BMP7: variants seen among roughly 807,000 people sequenced by gnomAD.
The protein encoded by BMP7 is osteogenic protein 1.
In BMP7, 12 loss-of-function variants were observed where a neutral mutation model predicts 41.2. The ratio of observed to expected loss-of-function variants is 0.29; its 90% CI spans 0.19 to 0.47. The LOEUF is 0.47. BMP7 is among the 20% of genes least tolerant of loss of function. BMP7 has a pLI of 0.99. For synonymous variants in BMP7, 248 were observed against 250.0 expected (o/e 0.99, Z 0.07); for missense variants, 467 against 606.0 (o/e 0.77, Z 2.41).
intron 1 of BMP7, among the ~76,000 whole-genome samples, chr20:57,229,799 G>A (rs1172138378): frequency 6.6e-6 from 1 of 152,228 alleles, no homozygotes; most frequent in Admixed American, 6.5e-5. Context: ...CCGGTTCCAA[G>A]TGGGACAGCA....
intron 1 of BMP7, among the ~76,000 whole-genome samples, chr20:57,254,759 C>A (rs1457384672): frequency 2.0e-5 from 3 of 152,108 alleles, no homozygotes; most frequent in Admixed American, 6.6e-5. Context: ...CCTGTTCATG[C>A]ACATTTTGAT....
In BMP7 at chr20:57,183,917, G is replaced by T. The variant is rs1984149573; in HGVS notation, c.763C>A (p.Gln255Lys). Residue 255 changes from glutamine (Q) to lysine (K), a missense_variant and splice_region_variant, in exon 4 of 7, where the codon CAG (glutamine) becomes AAG (lysine). By Grantham distance (53) the Gln-to-Lys change is moderately conservative (BLOSUM62 1). Coordinates refer to ENST00000395863, the MANE Select transcript of BMP7 (RefSeq NM_001719.3). ...LQLSVETLDG[Q>K]SINPKLAGLI... Reference sequence around the variant, plus strand: ...CCCGCCAACTTGGGGTTGATGCTCTGCCCTGGACAGGAAGCAGCCAAGTGC... The same window carrying T: ...CCCGCCAACTTGGGGTTGATGCTCTTCCCTGGACAGGAAGCAGCCAAGTGC... 1.9e-6 allele frequency: 3 copies of T among 1,613,432 alleles called. No homozygotes were observed. Among genetic ancestry groups the T allele is most frequent in the Non-Finnish European group, 2.5e-6 (3 of 1,180,018 alleles).
In BMP7 at chr20:57,214,422, T is replaced by C. The variant is rs1333232718; in HGVS notation, c.612-11799A>G. 6.6e-6 allele frequency among the ~76,000 whole-genome samples: 1 copy of C among 152,208 alleles called. No individual in the cohort carries two copies. Among genetic ancestry groups the C allele is most frequent in the Non-Finnish European group, 1.5e-5 (1 of 68,034 alleles). On this transcript the variant is annotated intron_variant, in intron 2 of 6. Coordinates refer to ENST00000395863, the MANE Select transcript of BMP7 (RefSeq NM_001719.3). The surrounding 1 kb of genome is among the most constrained non-coding windows in gnomAD (Gnocchi z 4.0). ...ATGTGTTCTGTGATAAAGAAGACTA[T>C]GGAACTGACAGTCCAAACCGAGAAA...
At chr20:57,222,207 T>A (rs1985205577) in intron 2 of BMP7, among the ~76,000 whole-genome samples, 1 of 152,114 alleles carries the variant, frequency 6.6e-6, no homozygotes, top group Non-Finnish European at 1.5e-5. Flanking sequence ...ACGGAATCTG[T>A]TGCCATCGAT....
chr20:57,258,946 C>A (rs529502898), intron 1 of BMP7, among the ~76,000 whole-genome samples: 1 of 152,308 alleles, frequency 6.6e-6, no homozygotes, highest in Non-Finnish European at 1.5e-5. Context: ...ACAGCCTCTG[C>A]GCATGGGTGA....
intron 3 of BMP7, among the ~76,000 whole-genome samples, chr20:57,190,628 G>GA (rs1377929191): frequency 7.2e-5 from 11 of 152,072 alleles, no homozygotes; most frequent in Non-Finnish European, 1.3e-4. Context: ...TGCCGTGTGG[G>GA]GAACCAACAA....
At chr20:57,175,149 C>T (rs1363493306) in intron 4 of BMP7, 142 bp from the exon 5 acceptor site, 1 of 900,496 alleles carries the variant, frequency 1.1e-6, no homozygotes, top group Non-Finnish European at 1.8e-6. Flanking sequence ...GATTCAAAAG[C>T]CAGTTCGAGG....
At chr20:57,230,538 C>T (rs1033384345) in intron 1 of BMP7, among the ~76,000 whole-genome samples, 3 of 151,598 alleles carry the variant, frequency 2.0e-5, no homozygotes, top group Non-Finnish European at 4.4e-5. Context: ...CAGGAGGTGT[C>T]CAGTGACCTC....
chr20:57,230,513 C>A (rs2066025167), intron 1 of BMP7, among the ~76,000 whole-genome samples: 1 of 151,634 alleles, frequency 6.6e-6, no homozygotes, highest in African/African-American at 2.4e-5. Flanking sequence ...GTAGGTGAGG[C>A]ATGCACCTGA....
At chr20:57,219,146 CTGG>C in intron 2 of BMP7, among the ~76,000 whole-genome samples, 1 of 102,336 alleles carries the variant, frequency 9.8e-6, no homozygotes, top group Non-Finnish European at 1.7e-5. Flanking sequence ...TCGGTGGTAG[CTGG>C]TGTTCAGTGG....
intron 2 of BMP7, among the ~76,000 whole-genome samples, chr20:57,220,466 A>G (rs115023719): frequency 0.026 from 3,899 of 152,316 alleles, 63 homozygotes; most frequent in Non-Finnish European, 0.027. Context: ...CGAAACATAG[A>G]TGTTAATACA....
At chr20:57,236,068 C>T (rs1233645821) in intron 1 of BMP7, among the ~76,000 whole-genome samples, 1 of 152,178 alleles carries the variant, frequency 6.6e-6, no homozygotes, top group African/African-American at 2.4e-5. Flanking sequence ...TAAACAATGG[C>T]AACACTCCTT....
intron 3 of BMP7, among the ~76,000 whole-genome samples, chr20:57,190,139 GAACCGGAGGGGGTGA>G: frequency 1.3e-5 from 2 of 152,122 alleles, no homozygotes; most frequent in African/African-American, 4.8e-5. Flanking sequence ...AGTGAGCGAG[GAACCGGAGGGGGTGA>G]AGCTGGAGAG....
rs1307594265 is a variant in BMP7 at position 57,265,891 on chromosome 20, A to T, written c.232T>A (p.Ser78Thr). 1.3e-6 allele frequency: 2 copies of T among 1,598,774 alleles called. No individual in the cohort carries two copies. The highest frequency in any genetic ancestry group is 3.5e-5 in the Admixed American group (2 of 57,794). Residue 78 changes from serine (S) to threonine (T), a missense_variant, in exon 1 of 7, where the codon TCG (serine) becomes ACG (threonine). Around this residue, in one of 2 missense-constraint regions of BMP7, gnomAD observed 407 missense variants for 485.9 expected, o/e 0.84. Transcript: ENST00000395863. The part of the protein sequence containing the change: ...PRPHLQGKHN[S>T]APMFMLDLYN... ...AGGTCCAGCATGAACATGGGTGCCG[A>T]GTTGTGCTTGCCCTGGAGGTGCGGG...
Position 57,228,101 on chromosome 20 carries a change from G to C in BMP7, c.611+128C>G. On this transcript the variant is annotated intron_variant, in intron 2 of 6. Coordinates refer to ENST00000395863, the MANE Select transcript of BMP7 (RefSeq NM_001719.3). The surrounding 1 kb of genome is among the most constrained non-coding windows in gnomAD (Gnocchi z 4.5). ...CATACACCATACACCTTCTTTAGAAGGGATAATCTGGTACAGGGCCTGGCA... is the reference window on the plus strand; with the variant it reads ...CATACACCATACACCTTCTTTAGAACGGATAATCTGGTACAGGGCCTGGCA... The C allele has an allele frequency of 9.5e-7, 1 of 1,048,166 alleles. No homozygotes were observed. The highest frequency in any genetic ancestry group is 3.0e-4 in the Middle Eastern group (1 of 3,336). 64.9% of individuals were successfully genotyped at this position (1,048,166 alleles called of 1,614,324 possible). A position where few individuals can be genotyped will look rare whatever the true frequency, so the allele number is the denominator to read the frequency against.
At chr20:57,189,878 G>A (rs979652657) in intron 3 of BMP7, among the ~76,000 whole-genome samples, 1 of 152,234 alleles carries the variant, frequency 6.6e-6, no homozygotes, top group Admixed American at 6.5e-5. Flanking sequence ...GATCAGCTCA[G>A]GGGTGCACAG....
intron 1 of BMP7, among the ~76,000 whole-genome samples, chr20:57,253,628 A>G (rs2066122782): frequency 6.6e-6 from 1 of 152,172 alleles, no homozygotes; most frequent in Non-Finnish European, 1.5e-5. Context: ...TCCTGCCCCC[A>G]GCCTTGGAAA....
At chr20:57,242,436 C>T (rs1003430736) in intron 1 of BMP7, among the ~76,000 whole-genome samples, 3 of 152,198 alleles carry the variant, frequency 2.0e-5, no homozygotes, top group Non-Finnish European at 4.4e-5. Context: ...CCCAGGCTCA[C>T]TGGGCCTCAG....
Position 57,228,880 on chromosome 20 carries a change from T to C in BMP7, c.419-459A>G, listed in dbSNP as rs2066018276. On this transcript the variant is annotated intron_variant, in intron 1 of 6. Transcript: ENST00000395863. The surrounding 1 kb of genome is among the most constrained non-coding windows in gnomAD (Gnocchi z 4.5). ...TTATGGTCAGGGTTGAATGATCTCA[T>C]TCACACAAATAGTTTAACATCTGCT... Among the ~76,000 whole-genome samples the C allele has an allele frequency of 6.6e-6, 1 of 152,242 alleles. No homozygotes were observed. The highest frequency in any genetic ancestry group is 1.5e-5 in the Non-Finnish European group (1 of 68,026).
Sources: gnomAD v4.1 joint callset for allele counts (sites outside exome capture counted in the v4.1 genomes callset) on GRCh38, gnomAD v4.1.1 for gene constraint, gnomAD v4.1.1 regional missense constraint, Gnocchi (gnomAD v3.1) non-coding constraint, MANE v1.5 for transcripts, NCBI Gene and HGNC (gene_info 2026-07-23, HGNC 2026-07-21) for gene names.